Variants in HIBADH observed in about 807,000 individuals in gnomAD.
HIBADH encodes 3-hydroxyisobutyrate dehydrogenase, also known as 3-hydroxyisobutyrate dehydrogenase, mitochondrial.
A neutral mutation model predicts 36.1 loss-of-function variants in HIBADH; 25 were observed. That is an observed-to-expected ratio of 0.69 (90% confidence interval 0.50 to 0.97). The LOEUF (loss-of-function observed/expected upper bound fraction) is 0.97, where lower values mean the gene tolerates loss of function less well. Among genes scored for constraint, HIBADH ranks in the 50% least tolerant of loss-of-function variants. The pLI is 0.00. For missense variants in HIBADH, 421 were observed against 418.0 expected (o/e 1.01, Z -0.06); for synonymous variants, 160 against 149.5 (o/e 1.07, Z -0.51).
intron 4 of HIBADH, among the ~76,000 whole-genome samples, chr7:27,587,874 G>A (rs896247772): frequency 6.6e-6 from 1 of 152,304 alleles, no homozygotes; most frequent in African/African-American, 2.4e-5. Flanking sequence ...AACTGAGGAG[G>A]TAAGAGAAAA....
intron 4 of HIBADH, among the ~76,000 whole-genome samples, chr7:27,576,899 A>G (rs1277334215): frequency 2.0e-5 from 3 of 152,172 alleles, no homozygotes; most frequent in African/African-American, 7.2e-5. Context: ...CATTAATACA[A>G]TTGTCATGCT....
intron 2 of HIBADH, 198 bp downstream of exon 2, chr7:27,649,275 G>A: frequency 2.4e-6 from 1 of 423,852 alleles, no homozygotes; most frequent in South Asian, 6.8e-5. Flanking sequence ...CCAAAGAATA[G>A]ATACCCCTGA....
intron 4 of HIBADH, among the ~76,000 whole-genome samples, chr7:27,558,807 A>G (rs1006746305): frequency 6.6e-6 from 1 of 152,244 alleles, no homozygotes; most frequent in African/African-American, 2.4e-5. Context: ...AGGAGCCCTC[A>G]TATTTTTTAT....
chr7:27,546,503 T>C (rs948789113), intron 4 of HIBADH, among the ~76,000 whole-genome samples: 1 of 152,188 alleles, frequency 6.6e-6, no homozygotes, highest in South Asian at 2.1e-4. Context: ...ACTTAAGCCA[T>C]TGTCTTCTCT....
intron 6 of HIBADH, among the ~76,000 whole-genome samples, chr7:27,533,522 A>C (rs1049746509): frequency 3.3e-5 from 5 of 152,096 alleles, no homozygotes; most frequent in Admixed American, 6.6e-5. Flanking sequence ...GCAAGTTAGA[A>C]GTGTTTTGCA....
intron 5 of HIBADH, among the ~76,000 whole-genome samples, chr7:27,539,738 A>C (rs1784120164): frequency 6.6e-6 from 1 of 152,160 alleles, no homozygotes; most frequent in African/African-American, 2.4e-5. Flanking sequence ...ACTCTCCAAA[A>C]ACTTAACTAC....
At chr7:27,548,055 T>C (rs1204711658) in intron 4 of HIBADH, among the ~76,000 whole-genome samples, 1 of 152,138 alleles carries the variant, frequency 6.6e-6, no homozygotes, top group Non-Finnish European at 1.5e-5. Flanking sequence ...CTATGCAAAA[T>C]GGGTAGCTGA....
intron 4 of HIBADH, among the ~76,000 whole-genome samples, chr7:27,543,889 A>G (rs1784195941): frequency 6.6e-6 from 1 of 152,200 alleles, no homozygotes; most frequent in African/African-American, 2.4e-5. Flanking sequence ...AATTTAGCAC[A>G]GAAAATATAA....
intron 4 of HIBADH, among the ~76,000 whole-genome samples, chr7:27,573,181 T>C (rs1784653211): frequency 6.6e-6 from 1 of 152,204 alleles, no homozygotes; most frequent in African/African-American, 2.4e-5. Context: ...ACACTGACTC[T>C]CATTTAATCT....
At chr7:27,549,465 A>G (rs577869404) in intron 4 of HIBADH, among the ~76,000 whole-genome samples, 2 of 152,358 alleles carry the variant, frequency 1.3e-5, no homozygotes, top group East Asian at 3.8e-4. Flanking sequence ...AAACCATAGT[A>G]TCTCACAACA....
At chr7:27,526,512 A>C (rs1783900637) in intron 7 of HIBADH, 140 bp from the exon 8 acceptor site, 2 of 580,060 alleles carry the variant, frequency 3.4e-6, no homozygotes, top group East Asian at 7.1e-5. Context: ...TGGTAAGTTA[A>C]CATTTTTAAA....
intron 2 of HIBADH, among the ~76,000 whole-genome samples, chr7:27,634,865 G>T (rs1785809734): frequency 6.6e-6 from 1 of 152,216 alleles, no homozygotes; most frequent in Non-Finnish European, 1.5e-5. Flanking sequence ...AGTGCATGGG[G>T]TGGCCAATCA....
intron 2 of HIBADH, among the ~76,000 whole-genome samples, 185 bp from the exon 3 acceptor site, chr7:27,632,630 T>C (rs1407339551): frequency 6.7e-6 from 1 of 149,652 alleles, no homozygotes; most frequent in Non-Finnish European, 1.5e-5. Flanking sequence ...CACATCATTA[T>C]ACATATACAG....
chr7:27,612,270 A>C (rs1785334566), intron 4 of HIBADH, among the ~76,000 whole-genome samples: 2 of 152,160 alleles, frequency 1.3e-5, no homozygotes, highest in South Asian at 4.1e-4. Context: ...ATTTTGTTGA[A>C]GAAAGAAATG....
At chr7:27,577,851 G>C (rs1784736458) in intron 4 of HIBADH, among the ~76,000 whole-genome samples, 1 of 152,186 alleles carries the variant, frequency 6.6e-6, no homozygotes, top group South Asian at 2.1e-4. Flanking sequence ...CATGGGTGTG[G>C]AGTGCCAATT....
intron 4 of HIBADH, among the ~76,000 whole-genome samples, chr7:27,566,646 A>G (rs1188185516): frequency 6.6e-6 from 1 of 151,966 alleles, no homozygotes; most frequent in African/African-American, 2.4e-5. Context: ...TAAATTACTG[A>G]TATGAGACTC....
At chr7:27,603,265 A>C (rs60190132) in intron 4 of HIBADH, among the ~76,000 whole-genome samples, 4 of 152,094 alleles carry the variant, frequency 2.6e-5, no homozygotes, top group South Asian at 2.1e-4. Context: ...TGCAATGATG[A>C]TGCTGCTGCA....
In HIBADH at chr7:27,542,053, C is replaced by A. The variant is rs116344036; in HGVS notation, c.618+914G>T. On this transcript the variant is annotated intron_variant, in intron 5 of 7. Coordinates refer to ENST00000265395, the MANE Select transcript of HIBADH (RefSeq NM_152740.4). ...TGTATGGTCTATAAATATTTGTAAA[C>A]TTTGATAAATTTTAACTCTTTATAA... 7.6e-3 allele frequency among the ~76,000 whole-genome samples: 1,153 copies of A among 152,204 alleles called. 11 individuals carry two copies. The highest frequency in any genetic ancestry group is 0.022 in the African/African-American group (894 of 41,518).
At chr7:27,629,546 T>C (rs1785710626) in intron 3 of HIBADH, 54 bp from the exon 4 acceptor site, 17 of 1,272,108 alleles carry the variant, frequency 1.3e-5, no homozygotes, top group Non-Finnish European at 1.8e-5. Flanking sequence ...AAAAATTTCA[T>C]GCAACTACCT....
Sources: allele counts gnomAD v4.1 joint callset (sites outside exome capture counted in the v4.1 genomes callset), GRCh38; gene constraint gnomAD v4.1.1; transcripts MANE v1.5; gene names NCBI Gene and HGNC (gene_info 2026-07-23, HGNC 2026-07-21).